The following ZC3H12B variants were observed in gnomAD, a reference collection of about 807,000 sequenced individuals.
ZC3H12B encodes the protein zinc finger CCCH-type containing 12B, also known as probable ribonuclease ZC3H12B.
In ZC3H12B, 7 loss-of-function variants were observed where a neutral mutation model predicts 43.9. That is an observed-to-expected ratio of 0.16 (90% CI 0.09 to 0.30). ZC3H12B has a LOEUF of 0.30. Ranked by LOEUF, ZC3H12B falls within the 10% of genes least tolerant of loss-of-function variation. The pLI is 1.00. For synonymous variants in ZC3H12B, 222 were observed against 241.7 expected (o/e 0.92, Z 0.76); for missense variants, 475 against 670.2 (o/e 0.71, Z 3.22).
chrX:65,096,320 GT>G, the ZC3H12B span, among the ~76,000 whole-genome samples: 1 of 110,952 alleles, frequency 9.0e-6, no homozygotes, highest in Non-Finnish European at 1.9e-5. Flanking sequence ...TATGGCACAC[GT>G]TTACCTATGT....
the ZC3H12B span, among the ~76,000 whole-genome samples, chrX:65,187,841 A>C: frequency 9.0e-6 from 1 of 110,594 alleles, no homozygotes. Flanking sequence ...TTATTTTAAA[A>C]TATAAACTGT....
At chrX:65,368,327 T>C (rs1602327295) in intron 1 of ZC3H12B, among the ~76,000 whole-genome samples, 1 of 111,650 alleles carries the variant, frequency 9.0e-6, no homozygotes, top group Admixed American at 9.6e-5. Context: ...TGTGGTCTTT[T>C]AAGATTTATG....
the ZC3H12B span, among the ~76,000 whole-genome samples, chrX:65,249,893 C>A: frequency 9.9e-6 from 1 of 101,012 alleles, no homozygotes; most frequent in Non-Finnish European, 2.0e-5. Flanking sequence ...AGAAGAGCTA[C>A]TTTTGTGTAC....
At chrX:65,422,778 T>C (rs2067034187) in intron 3 of ZC3H12B, among the ~76,000 whole-genome samples, 1 of 110,580 alleles carries the variant, frequency 9.0e-6, no homozygotes, top group Non-Finnish European at 1.9e-5. Context: ...AATGAGAACA[T>C]GAGATGTTTG....
At chrX:65,292,485 G>A in the ZC3H12B span, among the ~76,000 whole-genome samples, 174 of 111,169 alleles carry the variant, frequency 1.6e-3, 2 homozygotes, top group African/African-American at 5.6e-3. Context: ...GGAGGGTGGA[G>A]GGTTGGAAGA....
At chrX:65,040,037 T>A in the ZC3H12B span, among the ~76,000 whole-genome samples, 2 of 112,045 alleles carry the variant, frequency 1.8e-5, no homozygotes, top group Non-Finnish European at 3.8e-5. Flanking sequence ...TTATTACTAC[T>A]GCTTTGTATT....
chrX:65,115,151 C>G, the ZC3H12B span, among the ~76,000 whole-genome samples: 32 of 107,937 alleles, frequency 3.0e-4, no homozygotes, highest in African/African-American at 1.1e-3. Flanking sequence ...GTGCACCCAT[C>G]ATCCAAGCCG....
At chrX:65,264,310 C>T in the ZC3H12B span, among the ~76,000 whole-genome samples, 1 of 108,340 alleles carries the variant, frequency 9.2e-6, no homozygotes. Context: ...GCTATTGAAG[C>T]AAAAAAAAAT....
At chrX:65,176,191 G>C in the ZC3H12B span, among the ~76,000 whole-genome samples, 11 of 111,702 alleles carry the variant, frequency 9.8e-5, no homozygotes, top group African/African-American at 1.6e-4. Flanking sequence ...TGGGATGCTC[G>C]GGCTTGGTGG....
At chrX:65,170,671 C>A in the ZC3H12B span, among the ~76,000 whole-genome samples, 1 of 111,835 alleles carries the variant, frequency 8.9e-6, no homozygotes, top group Admixed American at 9.5e-5. Flanking sequence ...TCAGGTACAC[C>A]AATGAGACGT....
chrX:65,477,648 G>A (rs867162797), intron 3 of ZC3H12B, among the ~76,000 whole-genome samples: 1 of 110,607 alleles, frequency 9.0e-6, no homozygotes, highest in South Asian at 3.9e-4. Flanking sequence ...TGTAATCCCA[G>A]CTACTCCAGA....
chrX:65,218,069 AAAGC>A, the ZC3H12B span, among the ~76,000 whole-genome samples: 1 of 112,441 alleles, frequency 8.9e-6, no homozygotes, highest in South Asian at 3.7e-4. Context: ...CAGCAAAAGA[AAAGC>A]AAGTAACATA....
chrX:65,197,046 A>G, the ZC3H12B span, among the ~76,000 whole-genome samples: 1 of 111,997 alleles, frequency 8.9e-6, no homozygotes, highest in Non-Finnish European at 1.9e-5. Context: ...GCAGCAGGGA[A>G]TTTCACAGAA....
chrX:65,093,217 T>C, the ZC3H12B span, among the ~76,000 whole-genome samples: 1 of 111,413 alleles, frequency 9.0e-6, no homozygotes, highest in Admixed American at 9.5e-5. Flanking sequence ...TTTCAGAAGA[T>C]GTATGGAAAA....
intron 3 of ZC3H12B, among the ~76,000 whole-genome samples, chrX:65,453,730 C>T (rs930749232): frequency 9.1e-6 from 1 of 109,472 alleles, no homozygotes; most frequent in Non-Finnish European, 1.9e-5. Context: ...CCATGTCACA[C>T]ACACACAAAA....
the ZC3H12B span, among the ~76,000 whole-genome samples, chrX:65,213,886 A>T: frequency 1.1e-4 from 12 of 106,071 alleles, no homozygotes; most frequent in African/African-American, 4.4e-4. Context: ...ACGTAAAAAA[A>T]AAATATATAT....
the ZC3H12B span, among the ~76,000 whole-genome samples, chrX:65,195,325 T>A: frequency 8.9e-6 from 1 of 111,738 alleles, no homozygotes; most frequent in African/African-American, 3.3e-5. Flanking sequence ...ATTTTGCATA[T>A]CTTTGTGGGT....
chrX:65,433,942 C>T (rs1171446577), intron 3 of ZC3H12B, among the ~76,000 whole-genome samples: 2 of 111,552 alleles, frequency 1.8e-5, no homozygotes, highest in Non-Finnish European at 3.8e-5. Context: ...GTTTTCTCCT[C>T]GTATTGGTCA....
At chrX:65,418,032 T>C (rs935961930) in intron 3 of ZC3H12B, among the ~76,000 whole-genome samples, 1 of 112,270 alleles carries the variant, frequency 8.9e-6, no homozygotes, top group Non-Finnish European at 1.9e-5. Context: ...TGAAGTCTTT[T>C]AGAATTTTAT....
Sources: allele counts gnomAD v4.1 joint callset (sites outside exome capture counted in the v4.1 genomes callset), GRCh38; gene constraint gnomAD v4.1.1; transcripts MANE v1.5; gene names NCBI Gene and HGNC (gene_info 2026-07-23, HGNC 2026-07-21).